The following SENP7 variants were observed in gnomAD, a reference collection of about 807,000 sequenced individuals.
SENP7 encodes sentrin-specific protease 7.
In SENP7, 64 loss-of-function variants were observed where a neutral mutation model predicts 141.2. The ratio of observed to expected loss-of-function variants is 0.45; its 90% CI spans 0.37 to 0.56. The LOEUF is 0.56. SENP7 is among the 20% of genes least tolerant of loss of function. The pLI, the probability that SENP7 is intolerant of heterozygous loss-of-function variation, is 0.00. For missense variants in SENP7, 1,025 were observed against 1,212.2 expected (o/e 0.85, Z 2.29); for synonymous variants, 382 against 426.4 (o/e 0.90, Z 1.28).
intron 4 of SENP7, among the ~76,000 whole-genome samples, chr3:101,434,082 A>G (rs1278926340): frequency 6.6e-6 from 1 of 152,184 alleles, no homozygotes; most frequent in African/African-American, 2.4e-5. Flanking sequence ...AATATGAAGC[A>G]TCTTCTCTGA....
chr3:101,402,633 A>AC (rs1234541419), intron 5 of SENP7, among the ~76,000 whole-genome samples: 1 of 151,662 alleles, frequency 6.6e-6, no homozygotes, highest in African/African-American at 2.4e-5. Flanking sequence ...AAAAAAAAAA[A>AC]AATGCTAAAT....
intron 10 of SENP7, among the ~76,000 whole-genome samples, chr3:101,362,146 A>G (rs2059919456): frequency 6.6e-6 from 1 of 152,196 alleles, no homozygotes; most frequent in South Asian, 2.1e-4. Context: ...TTCACATTCA[A>G]TAGTCTCTAA....
chr3:101,483,764 G>A (rs2064604083), intron 3 of SENP7, among the ~76,000 whole-genome samples: 1 of 152,222 alleles, frequency 6.6e-6, no homozygotes, highest in African/African-American at 2.4e-5. Flanking sequence ...GCTTGCACCT[G>A]TAATCCCAGC....
chr3:101,383,427 T>G (rs1378078799), intron 6 of SENP7, among the ~76,000 whole-genome samples: 1 of 152,142 alleles, frequency 6.6e-6, no homozygotes, highest in Non-Finnish European at 1.5e-5. Context: ...TCCTTCCAAG[T>G]TGGAGGGGCG....
In SENP7 at chr3:101,444,684, T is replaced by C. The variant is rs542335570; in HGVS notation, c.284+14271A>G. ...GTATACTCTCACTCATAGGTGGGAA[T>C]TGAACAATGAGAACACATGGACACA... On this transcript the variant is annotated intron_variant, in intron 4 of 23. Coordinates refer to ENST00000394095, the MANE Select transcript of SENP7 (RefSeq NM_020654.5). Among the ~76,000 whole-genome samples, 590 of 137,330 alleles carry C rather than the reference T, an allele frequency of 4.3e-3. 3 individuals carry two copies. The highest frequency in any genetic ancestry group is 0.018 in the Admixed American group (212 of 11,754). 90.1% of individuals were successfully genotyped at this position (137,330 alleles called of 152,430 possible). A position where few individuals can be genotyped will look rare whatever the true frequency, so the allele number is the denominator to read the frequency against.
intron 4 of SENP7, among the ~76,000 whole-genome samples, chr3:101,450,350 G>A (rs2063079327): frequency 6.6e-6 from 1 of 152,132 alleles, no homozygotes; most frequent in Non-Finnish European, 1.5e-5. Flanking sequence ...ACTCAGCTCT[G>A]CACCAAGCAG....
intron 4 of SENP7, among the ~76,000 whole-genome samples, chr3:101,444,550 T>C (rs1466073897): frequency 6.6e-6 from 1 of 152,060 alleles, no homozygotes; most frequent in African/African-American, 2.4e-5. Context: ...CACCATGGAA[T>C]ACTATGCAGC....
chr3:101,466,283 T>C (rs936349592), intron 3 of SENP7, among the ~76,000 whole-genome samples: 3 of 152,108 alleles, frequency 2.0e-5, no homozygotes, highest in Non-Finnish European at 4.4e-5. Flanking sequence ...ATTCCTCAAA[T>C]AGATTCAATC....
intron 6 of SENP7, among the ~76,000 whole-genome samples, chr3:101,393,942 G>A (rs775386919): frequency 1.3e-5 from 2 of 152,192 alleles, no homozygotes; most frequent in Non-Finnish European, 1.5e-5. Context: ...ATCACCTCAA[G>A]TATTTATCAT....
intron 4 of SENP7, among the ~76,000 whole-genome samples, chr3:101,428,564 T>G (rs892422327): frequency 2.0e-5 from 3 of 152,226 alleles, no homozygotes; most frequent in African/African-American, 7.2e-5. Context: ...TTCTTGTAAA[T>G]TTGTTTAAAT....
At chr3:101,457,382 G>C in intron 4 of SENP7, 7 of 1,443,074 alleles carry the variant, frequency 4.9e-6, no homozygotes, top group Non-Finnish European at 6.8e-6. Flanking sequence ...TGCTTAAACT[G>C]TTCAGACTGT....
chr3:101,417,869 C>T (rs2061673282), intron 4 of SENP7, 79 bp from the exon 5 acceptor site: 1 of 1,158,202 alleles, frequency 8.6e-7, no homozygotes, highest in Admixed American at 2.0e-5. Context: ...CTAATATCTC[C>T]AGAAACTGTA....
intron 1 of SENP7, among the ~76,000 whole-genome samples, chr3:101,502,923 A>T (rs200519209): frequency 0.17 from 18,438 of 111,640 alleles, 1,178 homozygotes; most frequent in Middle Eastern, 0.23. Flanking sequence ...CTCAGATTTA[A>T]AAAAAAAAAA....
intron 10 of SENP7, among the ~76,000 whole-genome samples, chr3:101,363,708 G>A (rs982212942): frequency 6.6e-6 from 1 of 152,158 alleles, no homozygotes; most frequent in African/African-American, 2.4e-5. Context: ...AGCTGCTGAG[G>A]TGATTTCTAC....
intron 6 of SENP7, among the ~76,000 whole-genome samples, chr3:101,377,168 G>A (rs2060360502): frequency 6.6e-6 from 1 of 152,072 alleles, no homozygotes; most frequent in Admixed American, 6.6e-5. Flanking sequence ...ATCAAACGAA[G>A]TGCAATACAC....
At chr3:101,379,361 A>G (rs938421505) in intron 6 of SENP7, among the ~76,000 whole-genome samples, 1 of 152,194 alleles carries the variant, frequency 6.6e-6, no homozygotes, top group South Asian at 2.1e-4. Flanking sequence ...AGCACAGTCA[A>G]CTAAAGAAAC....
chr3:101,342,338 TTC>T (rs2059348822), intron 14 of SENP7, among the ~76,000 whole-genome samples: 1 of 152,188 alleles, frequency 6.6e-6, no homozygotes, highest in Admixed American at 6.5e-5. Flanking sequence ...TCTTAATAAA[TTC>T]TTTTCTTTCT....
rs547201369 is a variant in SENP7, at chr3:101,469,344, C to T, written c.187-10292G>A. 5.9e-5 allele frequency among the ~76,000 whole-genome samples: 9 copies of T among 152,162 alleles called. No individual in the cohort carries two copies. The South Asian group carries it at 1.7e-3, about 28-fold the overall frequency. On this transcript the variant is annotated intron_variant, in intron 3 of 23. Transcript: ENST00000394095. ...CCACTGTCAATATTACACAGATAAA[C>T]GAGACAGATGGTTAATAAGGATATC...
intron 3 of SENP7, among the ~76,000 whole-genome samples, chr3:101,480,058 C>G (rs534078731): frequency 6.1e-4 from 93 of 151,968 alleles, no homozygotes; most frequent in Admixed American, 4.8e-3. Flanking sequence ...ATATATCATG[C>G]TTATGAACTG....
Sources: allele counts gnomAD v4.1 joint callset (sites outside exome capture counted in the v4.1 genomes callset), GRCh38; gene constraint gnomAD v4.1.1; transcripts MANE v1.5; gene names NCBI Gene and HGNC (gene_info 2026-07-23, HGNC 2026-07-21).